SPAG16: variants seen among roughly 807,000 people sequenced by gnomAD.
The protein encoded by SPAG16 is sperm associated antigen 16, also known as sperm-associated antigen 16 protein.
In SPAG16, 86 loss-of-function variants were observed where a neutral mutation model predicts 80.4. The ratio of observed to expected loss-of-function variants is 1.07; its 90% CI spans 0.90 to 1.28. SPAG16 has a LOEUF of 1.28. SPAG16 is among the 50% of genes most tolerant of loss of function. The probability of loss-of-function intolerance (pLI) is 0.00; values close to 1 mark genes in which losing one functional copy is unlikely to be tolerated. For synonymous variants in SPAG16, 294 were observed against 265.9 expected, an observed-to-expected ratio of 1.11 and a Z score of -1.03; for missense variants, 870 against 765.3, an observed-to-expected ratio of 1.14 and a Z score of -1.61.
intron 10 of SPAG16, among the ~76,000 whole-genome samples, chr2:213,860,365 G>A (rs1392440081): frequency 0.03 from 1,882 of 63,348 alleles, 44 homozygotes; most frequent in African/African-American, 0.08. Flanking sequence ...ATATATATAT[G>A]TGTGTGTGTG....
intron 14 of SPAG16, among the ~76,000 whole-genome samples, chr2:214,144,127 A>G (rs903760240): frequency 6.6e-6 from 1 of 152,184 alleles, no homozygotes; most frequent in Non-Finnish European, 1.5e-5. Flanking sequence ...ACCCTGGGCA[A>G]CAGAACAAGA....
chr2:214,127,648 G>A (rs2054557660), intron 14 of SPAG16, among the ~76,000 whole-genome samples: 1 of 151,798 alleles, frequency 6.6e-6, no homozygotes, highest in Non-Finnish European at 1.5e-5. Context: ...TGTTTAGGAG[G>A]ATTACAAATT....
At chr2:214,008,845 G>C (rs2047155280) in intron 12 of SPAG16, among the ~76,000 whole-genome samples, 1 of 152,076 alleles carries the variant, frequency 6.6e-6, no homozygotes, top group Admixed American at 6.6e-5. Context: ...CTGTTGTAAG[G>C]AGCAGTTTAA....
chr2:214,045,226 A>G (rs7560957), intron 13 of SPAG16, among the ~76,000 whole-genome samples: 1,642 of 152,228 alleles, frequency 0.011, 32 homozygotes, highest in African/African-American at 0.038. Flanking sequence ...AGGGCACCGT[A>G]AGAGTTGTGA....
At chr2:214,179,320 A>G (rs1015452074) in intron 15 of SPAG16, among the ~76,000 whole-genome samples, 15 of 151,234 alleles carry the variant, frequency 9.9e-5, no homozygotes, top group African/African-American at 3.6e-4. Context: ...TATTGTAAGC[A>G]TACGAAATGG....
chr2:213,447,218 A>C (rs560315567), intron 9 of SPAG16, among the ~76,000 whole-genome samples: 1 of 152,200 alleles, frequency 6.6e-6, no homozygotes, highest in Non-Finnish European at 1.5e-5. Context: ...TTGGGAGGAC[A>C]AGGATCATCA....
At chr2:213,421,437 C>T (rs1329823677) in intron 9 of SPAG16, among the ~76,000 whole-genome samples, 1 of 152,220 alleles carries the variant, frequency 6.6e-6, no homozygotes, top group African/African-American at 2.4e-5. Context: ...TTGGCATGAA[C>T]AGCCTGGGTG....
At chr2:214,277,519 T>C (rs1042538251) in intron 15 of SPAG16, among the ~76,000 whole-genome samples, 2 of 152,252 alleles carry the variant, frequency 1.3e-5, no homozygotes, top group African/African-American at 2.4e-5. Context: ...TTCTGTTTGT[T>C]AGTTTTCCTT....
intron 14 of SPAG16, among the ~76,000 whole-genome samples, chr2:214,129,487 T>C (rs1031283505): frequency 3.3e-5 from 5 of 152,174 alleles, no homozygotes; most frequent in Admixed American, 6.6e-5. Context: ...TTTGACTCCA[T>C]TGTGACTGGA....
intron 13 of SPAG16, among the ~76,000 whole-genome samples, chr2:214,061,124 G>A (rs1349700899): frequency 2.0e-5 from 3 of 152,098 alleles, no homozygotes; most frequent in Non-Finnish European, 2.9e-5. Context: ...AGAGAAACTC[G>A]AATATCTTCA....
chr2:214,085,457 T>TCC (rs112614786), intron 13 of SPAG16, among the ~76,000 whole-genome samples: 75,176 of 151,360 alleles, frequency 0.5, 18,797 homozygotes, highest in Middle Eastern at 0.55. Context: ...TATGTTGGTA[T>TCC]GGAGTTAGTG....
chr2:213,312,081 C>A (rs1575158253), intron 4 of SPAG16, among the ~76,000 whole-genome samples: 1 of 151,606 alleles, frequency 6.6e-6, no homozygotes, highest in Non-Finnish European at 1.5e-5. Flanking sequence ...CAGATATAAC[C>A]TTTCTTTAGG....
chr2:213,462,453 G>A (rs36055082), intron 9 of SPAG16, among the ~76,000 whole-genome samples: 3,436 of 151,954 alleles, frequency 0.023, 52 homozygotes, highest in Middle Eastern at 0.037. Flanking sequence ...GAGATCACAT[G>A]TTAGTTGGGG....
At chr2:213,977,164 A>G (rs888680963) in intron 12 of SPAG16, among the ~76,000 whole-genome samples, 1 of 152,090 alleles carries the variant, frequency 6.6e-6, no homozygotes, top group South Asian at 2.1e-4. Context: ...AGGTGAGATC[A>G]TCAAGGACTG....
At chr2:214,259,499 T>C (rs1254482031) in intron 15 of SPAG16, among the ~76,000 whole-genome samples, 1 of 145,828 alleles carries the variant, frequency 6.9e-6, no homozygotes, top group African/African-American at 2.5e-5. Context: ...TTTTTTACTT[T>C]CTGGCTCTCT....
chr2:213,384,640 T>C (rs182498424), intron 9 of SPAG16, among the ~76,000 whole-genome samples: 2 of 152,296 alleles, frequency 1.3e-5, no homozygotes, highest in Admixed American at 1.3e-4. Flanking sequence ...TGCTATGGTG[T>C]AGGAGGATCC....
In SPAG16 at chr2:213,498,334, A is replaced by G. The variant is rs143138630; in HGVS notation, c.1070+8244A>G. Among the ~76,000 whole-genome samples the G allele has an allele frequency of 9.9e-5, 15 of 152,158 alleles. 1 individual carries two copies. In the South Asian group the frequency reaches 1.5e-3, roughly 15 times the overall value. ...AATTGACTTACTTATTTTTTTTATG[A>G]TGAATGGGTTGTAAACATCAGTGCC... On this transcript the variant is annotated intron_variant, in intron 10 of 15. Coordinates refer to ENST00000331683, the MANE Select transcript of SPAG16 (RefSeq NM_024532.5).
chr2:213,793,117 G>A (rs562539911), intron 10 of SPAG16, among the ~76,000 whole-genome samples: 11 of 151,770 alleles, frequency 7.2e-5, no homozygotes, highest in East Asian at 1.9e-4. Context: ...TAGTACAGAC[G>A]GGGTTTCACC....
chr2:213,606,989 G>A (rs1301812366), intron 10 of SPAG16, among the ~76,000 whole-genome samples: 2 of 152,206 alleles, frequency 1.3e-5, no homozygotes, highest in Non-Finnish European at 2.9e-5. Context: ...GCAGAGACAC[G>A]TAATAGAGTA....
Sources: gnomAD v4.1 joint callset for allele counts (sites outside exome capture counted in the v4.1 genomes callset) on GRCh38, gnomAD v4.1.1 for gene constraint, MANE v1.5 for transcripts, NCBI Gene and HGNC (gene_info 2026-07-23, HGNC 2026-07-21) for gene names.